The following ATP10B variants were observed in gnomAD, a reference collection of about 807,000 sequenced individuals.
ATP10B encodes the protein ATPase phospholipid transporting 10B (putative), also known as phospholipid-transporting ATPase VB.
Under a neutral mutation model 141.2 loss-of-function variants are expected in ATP10B, and 122 were observed. The ratio of observed to expected loss-of-function variants is 0.86; its 90% CI spans 0.75 to 1.00. The LOEUF is 1.00. ATP10B is among the 50% of genes least tolerant of loss of function. The probability of loss-of-function intolerance (pLI) is 0.00; values close to 1 mark genes in which losing one functional copy is unlikely to be tolerated. For synonymous variants in ATP10B, 685 were observed against 692.0 expected (o/e 0.99, Z 0.16); for missense variants, 1,876 against 1,825.3 (o/e 1.03, Z -0.51).
chr5:160,575,713 A>C (rs551962730), intron 24 of ATP10B, among the ~76,000 whole-genome samples: 16 of 152,232 alleles, frequency 1.1e-4, no homozygotes, highest in East Asian at 3.9e-4. Flanking sequence ...ATAAAAAAAA[A>C]CCCCTAAATA....
At chr5:160,632,620 GTTTT>G (rs34556097) in intron 12 of ATP10B, 2,530 of 128,352 alleles carry the variant, frequency 0.02, 17 homozygotes, top group African/African-American at 0.043. Flanking sequence ...TTCCTCAGAG[GTTTT>G]TTTTTTTTTT....
At chr5:160,849,697 T>C (rs137941025) in intron 1 of ATP10B, among the ~76,000 whole-genome samples, 312 of 151,980 alleles carry the variant, frequency 2.1e-3, no homozygotes, top group African/African-American at 7.4e-3. Context: ...TACACAATTA[T>C]AGGAAGCAGA....
At chr5:160,857,354 T>A in the ATP10B span, among the ~76,000 whole-genome samples, 3 of 151,834 alleles carry the variant, frequency 2.0e-5, no homozygotes, top group Admixed American at 2.0e-4. Flanking sequence ...TTTCTTATTA[T>A]CCCTTGATTC....
chr5:160,794,369 C>A (rs186902367), intron 1 of ATP10B, among the ~76,000 whole-genome samples: 1 of 152,190 alleles, frequency 6.6e-6, no homozygotes, highest in African/African-American at 2.4e-5. Context: ...CTGACCACAG[C>A]GGAAGGTAGG....
chr5:160,730,146 A>G (rs2421535), intron 2 of ATP10B, among the ~76,000 whole-genome samples: 12,336 of 148,748 alleles, frequency 0.083, 501 homozygotes, highest in East Asian at 0.098. Flanking sequence ...TATATAAATC[A>G]TATAATGCTG....
the ATP10B span, among the ~76,000 whole-genome samples, chr5:160,911,086 G>A: frequency 1.3e-5 from 2 of 152,180 alleles, no homozygotes; most frequent in African/African-American, 4.8e-5. Context: ...AAAAAATTGG[G>A]GAGAAATGTT....
At chr5:160,812,994 T>A (rs1773281842) in intron 1 of ATP10B, among the ~76,000 whole-genome samples, 1 of 152,154 alleles carries the variant, frequency 6.6e-6, no homozygotes, top group African/African-American at 2.4e-5. Context: ...AAAGAAAGAA[T>A]CTTGAGAGAA....
intron 8 of ATP10B, among the ~76,000 whole-genome samples, chr5:160,644,640 A>C (rs1760144925): frequency 6.6e-6 from 1 of 152,148 alleles, no homozygotes; most frequent in African/African-American, 2.4e-5. Context: ...GGTTGTCCTC[A>C]CTGTTACACT....
chr5:160,802,310 C>G (rs1772428384), intron 1 of ATP10B, among the ~76,000 whole-genome samples: 1 of 152,196 alleles, frequency 6.6e-6, no homozygotes, highest in Non-Finnish European at 1.5e-5. Flanking sequence ...TGTAAGCTGA[C>G]ATTACCTGAG....
chr5:160,704,612 T>G (rs1583290), intron 3 of ATP10B, among the ~76,000 whole-genome samples: 1 of 152,102 alleles, frequency 6.6e-6, no homozygotes, highest in South Asian at 2.1e-4. Flanking sequence ...AGAGAGTCAG[T>G]CTGTTCTTTG....
At chr5:160,816,628 G>A (rs1274996460) in intron 1 of ATP10B, among the ~76,000 whole-genome samples, 1 of 152,166 alleles carries the variant, frequency 6.6e-6, no homozygotes, top group East Asian at 1.9e-4. Context: ...CAGAAAAAGA[G>A]GGAATCCTCC....
the ATP10B span, among the ~76,000 whole-genome samples, chr5:160,872,758 T>G: frequency 6.6e-6 from 1 of 152,244 alleles, no homozygotes; most frequent in African/African-American, 2.4e-5. Flanking sequence ...ACCAGTATTA[T>G]GCTGTTTTGG....
chr5:160,848,830 C>A (rs974707831), intron 1 of ATP10B, among the ~76,000 whole-genome samples: 1 of 152,144 alleles, frequency 6.6e-6, no homozygotes, highest in Admixed American at 6.6e-5. Flanking sequence ...TGATATAATA[C>A]GTGAGTATCA....
At chr5:160,583,788 T>G (rs897342643) in intron 24 of ATP10B, among the ~76,000 whole-genome samples, 1 of 152,174 alleles carries the variant, frequency 6.6e-6, no homozygotes, top group Admixed American at 6.5e-5. Flanking sequence ...TGCAGTGGGC[T>G]CTGTCCAGTT....
intron 19 of ATP10B, among the ~76,000 whole-genome samples, chr5:160,605,837 C>T (rs1344257527): frequency 6.6e-6 from 1 of 152,214 alleles, no homozygotes; most frequent in African/African-American, 2.4e-5. Flanking sequence ...ATAAGGCTGA[C>T]ATCTTTCTAC....
the ATP10B span, among the ~76,000 whole-genome samples, chr5:160,904,255 G>A: frequency 1.3e-5 from 2 of 152,138 alleles, no homozygotes; most frequent in African/African-American, 2.4e-5. Flanking sequence ...GAGTCAGACT[G>A]CCAGGGTTTC....
In ATP10B at chr5:160,828,927, AATC is replaced by A. The variant is rs1222539974; in HGVS notation, c.-576+23011_-576+23013del. 2.1e-3 allele frequency among the ~76,000 whole-genome samples: 306 copies of A among 146,790 alleles called. 2 individuals are homozygous for A. The highest frequency in any genetic ancestry group is 7.1e-3 in the African/African-American group (289 of 40,548). ...TTGTAGGGACATGGATGAAATTGGA[AATC>A]ATCATTCTCAGTAAACTAACGCAAG... On this transcript the variant is annotated intron_variant, in intron 1 of 25. Coordinates refer to ENST00000327245, the MANE Select transcript of ATP10B (RefSeq NM_025153.3).
Position 160,815,285 on chromosome 5 carries a change from G to C in ATP10B, c.-575-29482C>G, listed in dbSNP as rs1463843158. ...CACATAGGCTCAAAATAAAGGGATG[G>C]AGAAAGATCTACCAAGCAAATGGAA... On this transcript the variant is annotated intron_variant, in intron 1 of 25. Coordinates refer to ENST00000327245, the MANE Select transcript of ATP10B (RefSeq NM_025153.3). 2.0e-5 allele frequency among the ~76,000 whole-genome samples: 3 copies of C among 152,162 alleles called. No individual in the cohort carries two copies. The East Asian group carries it at 5.8e-4, about 29-fold the overall frequency.
intron 6 of ATP10B, chr5:160,685,223 C>G: frequency 1.7e-6 from 1 of 592,292 alleles, no homozygotes; most frequent in Non-Finnish European, 3.0e-6. Context: ...TTTTTCATCT[C>G]TGCTCAATGT....
Sources: allele counts gnomAD v4.1 joint callset (sites outside exome capture counted in the v4.1 genomes callset), GRCh38; gene constraint gnomAD v4.1.1; transcripts MANE v1.5; gene names NCBI Gene and HGNC (gene_info 2026-07-23, HGNC 2026-07-21).